The following TBC1D22A variants were observed in gnomAD, a reference collection of about 807,000 sequenced individuals.
The protein encoded by TBC1D22A is putative GTPase activator.
In TBC1D22A, 38 loss-of-function variants were observed where a neutral mutation model predicts 60.2. That is an observed-to-expected ratio of 0.63 (90% CI 0.49 to 0.83). The LOEUF (loss-of-function observed/expected upper bound fraction) is 0.83. Among genes scored for constraint, TBC1D22A ranks in the 40% least tolerant of loss-of-function variants. The probability of loss-of-function intolerance (pLI) is 0.00; values close to 1 mark genes in which losing one functional copy is unlikely to be tolerated. For synonymous variants in TBC1D22A, 302 were observed against 281.7 expected, an observed-to-expected ratio of 1.07 and a Z score of -0.72; for missense variants, 628 against 701.0, an observed-to-expected ratio of 0.90 and a Z score of 1.18.
At chr22:46,915,125 C>T (rs1002848668) in intron 8 of TBC1D22A, 7 of 304,376 alleles carry the variant, frequency 2.3e-5, no homozygotes, top group African/African-American at 6.5e-5. Flanking sequence ...AGCTTGGGGT[C>T]GAGTCCCAGG....
At chr22:46,977,745 T>G (rs2074358852) in intron 9 of TBC1D22A, among the ~76,000 whole-genome samples, 1 of 152,100 alleles carries the variant, frequency 6.6e-6, no homozygotes, top group South Asian at 2.1e-4. Flanking sequence ...AAGTGGAAGC[T>G]GGTGTGTCGT....
At chr22:46,811,881 G>A (rs544753763) in intron 4 of TBC1D22A, among the ~76,000 whole-genome samples, 1 of 152,302 alleles carries the variant, frequency 6.6e-6, no homozygotes, top group South Asian at 2.1e-4. Flanking sequence ...GAAAGCCACT[G>A]GAGATGGAGA....
intron 1 of TBC1D22A, among the ~76,000 whole-genome samples, chr22:46,769,415 C>T (rs1411370684): frequency 2.6e-5 from 4 of 152,250 alleles, no homozygotes; most frequent in Non-Finnish European, 4.4e-5. Flanking sequence ...TGGCTCTTCA[C>T]GGCTGGACGC....
At chr22:46,840,997 C>A (rs575388646) in intron 4 of TBC1D22A, among the ~76,000 whole-genome samples, 41 of 151,170 alleles carry the variant, frequency 2.7e-4, no homozygotes, top group African/African-American at 9.2e-4. Flanking sequence ...ATAGCCAAGA[C>A]ATGGAAACAA....
At chr22:47,057,638 C>T (rs1047759437) in intron 11 of TBC1D22A, among the ~76,000 whole-genome samples, 3 of 152,164 alleles carry the variant, frequency 2.0e-5, no homozygotes, top group South Asian at 2.1e-4. Context: ...AGCAAAAGCG[C>T]GTCTTACATA....
chr22:47,100,151 G>A (rs1435942948), intron 11 of TBC1D22A, among the ~76,000 whole-genome samples: 4 of 152,206 alleles, frequency 2.6e-5, no homozygotes, highest in Non-Finnish European at 4.4e-5. Flanking sequence ...GCTGCAGGCC[G>A]GTCCTGGCTT....
intron 9 of TBC1D22A, among the ~76,000 whole-genome samples, chr22:46,977,573 C>G (rs2074351816): frequency 6.6e-6 from 1 of 152,154 alleles, no homozygotes; most frequent in Non-Finnish European, 1.5e-5. Flanking sequence ...CGACAAATCC[C>G]TGGAAACGTT....
chr22:46,783,296 T>C lies in TBC1D22A; in HGVS notation c.63-9224T>C, dbSNP rs368553736. Among the ~76,000 whole-genome samples, 10 of 152,344 alleles carry C rather than the reference T, an allele frequency of 6.6e-5. No homozygotes were observed. In the East Asian group the frequency reaches 1.2e-3, roughly 18 times the overall value. The stretch of plus-strand genomic sequence containing the variant: ...GCACTGTGCCCCCAGGAGTCCTCCA[T>C]GTTTTGACCCTTCTGGAGAGTAAGG... On this transcript the variant is annotated intron_variant, in intron 1 of 12. Coordinates refer to ENST00000337137, the MANE Select transcript of TBC1D22A (RefSeq NM_014346.5).
intron 4 of TBC1D22A, among the ~76,000 whole-genome samples, chr22:46,822,183 A>C (rs1265174636): frequency 1.3e-5 from 2 of 152,028 alleles, no homozygotes; most frequent in African/African-American, 2.4e-5. Context: ...GGGTTAGAAC[A>C]TGCTCCTTTA....
intron 4 of TBC1D22A, among the ~76,000 whole-genome samples, chr22:46,826,136 C>T (rs1191314783): frequency 1.3e-4 from 19 of 151,960 alleles, no homozygotes; most frequent in Admixed American, 1.2e-3. Context: ...CCACCTTGGC[C>T]TCCCAAAGTG....
At chr22:46,787,310 A>G (rs185525757) in intron 1 of TBC1D22A, among the ~76,000 whole-genome samples, 10 of 152,230 alleles carry the variant, frequency 6.6e-5, no homozygotes, top group Admixed American at 6.5e-4. Context: ...ATTTAAGGAA[A>G]CAACCAGACC....
At chr22:46,891,651 A>G (rs1388577112) in intron 6 of TBC1D22A, among the ~76,000 whole-genome samples, 1 of 152,230 alleles carries the variant, frequency 6.6e-6, no homozygotes, top group Non-Finnish European at 1.5e-5. Context: ...TGAGGTTACA[A>G]AATAAATGCC....
chr22:46,787,909 G>T (rs998532086), intron 1 of TBC1D22A, among the ~76,000 whole-genome samples: 1 of 151,694 alleles, frequency 6.6e-6, no homozygotes, highest in Non-Finnish European at 1.5e-5. Context: ...GCCTGCCAGG[G>T]GTAGGTGACT....
intron 4 of TBC1D22A, among the ~76,000 whole-genome samples, chr22:46,845,897 G>A (rs9627593): frequency 0.29 from 44,129 of 152,198 alleles, 6,407 homozygotes; most frequent in East Asian, 0.32. Context: ...GAACCGCGGC[G>A]AGCCGATTCC....
At chr22:46,814,767 T>A (rs1290068410) in intron 4 of TBC1D22A, among the ~76,000 whole-genome samples, 1 of 151,688 alleles carries the variant, frequency 6.6e-6, no homozygotes, top group African/African-American at 2.4e-5. Context: ...CTGCATCAGC[T>A]CCCGAGTAGC....
At chr22:47,047,086 G>C (rs944165864) in intron 11 of TBC1D22A, among the ~76,000 whole-genome samples, 3 of 152,224 alleles carry the variant, frequency 2.0e-5, no homozygotes, top group African/African-American at 7.2e-5. Context: ...GGAGGGCTTG[G>C]TTTCGTTTGC....
chr22:46,794,315 G>A (rs1225766878), intron 3 of TBC1D22A, among the ~76,000 whole-genome samples: 4 of 152,204 alleles, frequency 2.6e-5, no homozygotes, highest in African/African-American at 7.2e-5. Context: ...CCAGGTGTGC[G>A]TACACGTGGG....
chr22:46,832,234 C>T (rs374679418), intron 4 of TBC1D22A, among the ~76,000 whole-genome samples: 3 of 152,174 alleles, frequency 2.0e-5, no homozygotes, highest in Non-Finnish European at 2.9e-5. Flanking sequence ...AGATCCAGAG[C>T]GGGAGCTGTG....
At chr22:46,828,848 C>T (rs2086184592) in intron 4 of TBC1D22A, among the ~76,000 whole-genome samples, 1 of 152,224 alleles carries the variant, frequency 6.6e-6, no homozygotes, top group African/African-American at 2.4e-5. Flanking sequence ...TACACGCCCT[C>T]ACGTTGAGCG....
Sources: allele counts gnomAD v4.1 joint callset (sites outside exome capture counted in the v4.1 genomes callset), GRCh38; gene constraint gnomAD v4.1.1; transcripts MANE v1.5; gene names NCBI Gene and HGNC (gene_info 2026-07-23, HGNC 2026-07-21).